The following PRDM16 variants were observed in gnomAD, a reference collection of about 807,000 sequenced individuals.
PRDM16 encodes histone-lysine N-methyltransferase PRDM16.
In PRDM16, 23 loss-of-function variants were observed where a neutral mutation model predicts 110.6. The ratio of observed to expected loss-of-function variants is 0.21; its 90% CI spans 0.15 to 0.29. The LOEUF is 0.29. PRDM16 is among the 10% of genes least tolerant of loss of function. The probability of loss-of-function intolerance (pLI) is 1.00; values close to 1 mark genes in which losing one functional copy is unlikely to be tolerated. For synonymous variants in PRDM16, 799 were observed against 781.8 expected (o/e 1.02, Z -0.37); for missense variants, 1,615 against 1,794.3 (o/e 0.90, Z 1.81).
At chr1:3,256,633 C>T (rs956934763) in intron 3 of PRDM16, among the ~76,000 whole-genome samples, 14 of 152,048 alleles carry the variant, frequency 9.2e-5, no homozygotes, top group South Asian at 8.3e-4. Flanking sequence ...CCGAGGCAGG[C>T]GGATCATGAG....
intron 1 of PRDM16, among the ~76,000 whole-genome samples, chr1:3,105,830 A>G (rs1642639489): frequency 6.6e-6 from 1 of 152,210 alleles, no homozygotes; most frequent in Non-Finnish European, 1.5e-5. Context: ...GGCGCCCCAG[A>G]CAGGACAGGA....
At chr1:3,419,557 C>T (rs116874453) in intron 12 of PRDM16, among the ~76,000 whole-genome samples, 1,918 of 152,272 alleles carry the variant, frequency 0.013, 23 homozygotes, top group South Asian at 0.028. Context: ...AATGGGGAAA[C>T]GCTGGTTTTC....
At chr1:3,136,663 A>G (rs1643445782) in intron 1 of PRDM16, among the ~76,000 whole-genome samples, 2 of 152,204 alleles carry the variant, frequency 1.3e-5, no homozygotes, top group South Asian at 4.1e-4. Context: ...CTGGGTGTGG[A>G]CAGAGGAGTG....
Position 3,246,880 on chromosome 1 carries a change from G to A in PRDM16, c.438+2743G>A, listed in dbSNP as rs988596756. On this transcript the variant is annotated intron_variant, in intron 3 of 16. Coordinates refer to ENST00000270722, the MANE Select transcript of PRDM16 (RefSeq NM_022114.4). The surrounding 1 kb of genome is among the most constrained non-coding windows in gnomAD (Gnocchi z 5.2). ...CAAAGGCAAAGTCTTCAGACTCGGGGGCCAGGAAGACCAGGACAGACAGCC... is the reference window on the plus strand; with the variant it reads ...CAAAGGCAAAGTCTTCAGACTCGGGAGCCAGGAAGACCAGGACAGACAGCC... 1.3e-5 allele frequency among the ~76,000 whole-genome samples: 2 copies of A among 152,120 alleles called. No homozygotes were observed. Among genetic ancestry groups the A allele is most frequent in the Non-Finnish European group, 1.5e-5 (1 of 68,024 alleles).
intron 2 of PRDM16, among the ~76,000 whole-genome samples, chr1:3,234,825 G>A (rs979268485): frequency 1.3e-5 from 2 of 152,258 alleles, no homozygotes; most frequent in Admixed American, 6.5e-5. Flanking sequence ...GCTCGGAGGG[G>A]CCGTGATGGT....
intron 3 of PRDM16, among the ~76,000 whole-genome samples, chr1:3,313,809 C>CA (rs1382068363): frequency 6.6e-6 from 1 of 152,244 alleles, no homozygotes; most frequent in Non-Finnish European, 1.5e-5. Context: ...CTAGAGGCCT[C>CA]ACTCCTCCAG....
At chr1:3,397,942 C>T (rs567409630) in intron 5 of PRDM16, among the ~76,000 whole-genome samples, 9 of 152,192 alleles carry the variant, frequency 5.9e-5, no homozygotes, top group South Asian at 2.1e-4. Flanking sequence ...CCTGAGTGTC[C>T]GAAAGGAAAT....
chr1:3,320,540 A>G (rs937926067), intron 3 of PRDM16, among the ~76,000 whole-genome samples: 1 of 152,122 alleles, frequency 6.6e-6, no homozygotes, highest in Non-Finnish European at 1.5e-5. Flanking sequence ...GGTCACTGTT[A>G]TTATCGTCTC....
chr1:3,124,557 C>T (rs980238506), intron 1 of PRDM16, among the ~76,000 whole-genome samples: 1 of 152,240 alleles, frequency 6.6e-6, no homozygotes, highest in Admixed American at 6.5e-5. Context: ...TCAGCTTGGT[C>T]CTTTGGCCAA....
intron 4 of PRDM16, among the ~76,000 whole-genome samples, chr1:3,386,152 C>T (rs2483215): frequency 0.083 from 12,428 of 149,886 alleles, 545 homozygotes; most frequent in Middle Eastern, 0.11. Context: ...TCGGGGTGCC[C>T]GGGGTGCCCG....
At chr1:3,408,479 T>C (rs567790350) in intron 8 of PRDM16, among the ~76,000 whole-genome samples, 20 of 152,124 alleles carry the variant, frequency 1.3e-4, no homozygotes, top group African/African-American at 4.6e-4. Flanking sequence ...AGTATGCACG[T>C]GTGAGAGTGT....
intron 3 of PRDM16, among the ~76,000 whole-genome samples, chr1:3,280,465 G>A (rs980220505): frequency 2.0e-5 from 3 of 152,192 alleles, no homozygotes; most frequent in South Asian, 2.1e-4. Flanking sequence ...TACTGCCAGC[G>A]TCCAACCTCA....
chr1:3,231,589 T>C (rs2651920), intron 2 of PRDM16, among the ~76,000 whole-genome samples: 36,443 of 152,146 alleles, frequency 0.24, 6,147 homozygotes, highest in African/African-American at 0.47. Context: ...GTTTCTGCCG[T>C]CCTTCCCAGC....
intron 2 of PRDM16, among the ~76,000 whole-genome samples, chr1:3,230,807 A>G (rs751905350): frequency 8.5e-5 from 13 of 152,192 alleles, no homozygotes; most frequent in Non-Finnish European, 1.6e-4. Context: ...ACCGCACTGC[A>G]GCCTCGGGCA....
chr1:3,266,636 C>T (rs1640301256), intron 3 of PRDM16, among the ~76,000 whole-genome samples: 1 of 152,222 alleles, frequency 6.6e-6, no homozygotes, highest in Non-Finnish European at 1.5e-5. Flanking sequence ...GCCGCTCCCA[C>T]GCTCCAGCAG....
chr1:3,393,193 G>A (rs889368986), intron 4 of PRDM16, among the ~76,000 whole-genome samples: 1 of 152,170 alleles, frequency 6.6e-6, no homozygotes, highest in Non-Finnish European at 1.5e-5. Context: ...AACACAACCC[G>A]GGGACTTAGG....
intron 1 of PRDM16, among the ~76,000 whole-genome samples, chr1:3,118,953 G>A (rs1643029544): frequency 6.6e-6 from 1 of 152,230 alleles, no homozygotes; most frequent in Non-Finnish European, 1.5e-5. Flanking sequence ...ATTTTGGCAA[G>A]AAAACACCCT....
chr1:3,221,979 A>G (rs1006132866), intron 2 of PRDM16, among the ~76,000 whole-genome samples: 2 of 152,218 alleles, frequency 1.3e-5, no homozygotes, highest in Non-Finnish European at 2.9e-5. Context: ...AGTAAACTTC[A>G]TGAAGTAGTC....
chr1:3,121,629 G>A (rs545380857), intron 1 of PRDM16, among the ~76,000 whole-genome samples: 4 of 152,374 alleles, frequency 2.6e-5, no homozygotes, highest in African/African-American at 4.8e-5. Flanking sequence ...TCCGAATGCC[G>A]AGAAACAGAT....
Sources: gnomAD v4.1 joint callset for allele counts (sites outside exome capture counted in the v4.1 genomes callset) on GRCh38, gnomAD v4.1.1 for gene constraint, Gnocchi (gnomAD v3.1) non-coding constraint, MANE v1.5 for transcripts, NCBI Gene and HGNC (gene_info 2026-07-23, HGNC 2026-07-21) for gene names.